Variants in CNTN5 observed in about 807,000 individuals in gnomAD.
CNTN5 encodes the protein contactin 5.
CNTN5 carries 77 observed loss-of-function variants against 129.1 expected under a neutral mutation model. The ratio of observed to expected loss-of-function variants is 0.60; its 90% CI spans 0.50 to 0.72. The LOEUF (loss-of-function observed/expected upper bound fraction) is 0.72, where lower values mean the gene tolerates loss of function less well. Among genes scored for constraint, CNTN5 ranks in the 30% least tolerant of loss-of-function variants. CNTN5 has a pLI of 0.00. For missense variants in CNTN5, 1,478 were observed against 1,328.8 expected, an observed-to-expected ratio of 1.11 and a Z score of -1.75; for synonymous variants, 509 against 465.6, an observed-to-expected ratio of 1.09 and a Z score of -1.20.
intron 21 of CNTN5, among the ~76,000 whole-genome samples, chr11:100,328,489 G>A (rs1258884963): frequency 6.6e-6 from 1 of 152,148 alleles, no homozygotes; most frequent in Non-Finnish European, 1.5e-5. Flanking sequence ...CGGCTGAGGA[G>A]GCCTCAGCAA....
chr11:99,466,952 C>A (rs1335389047), intron 2 of CNTN5, among the ~76,000 whole-genome samples: 2 of 152,086 alleles, frequency 1.3e-5, no homozygotes, highest in South Asian at 2.1e-4. Flanking sequence ...ATGGGAGATA[C>A]AGATTTCCTA....
chr11:99,261,101 G>A (rs1044248967), intron 1 of CNTN5, among the ~76,000 whole-genome samples: 3 of 151,794 alleles, frequency 2.0e-5, no homozygotes, highest in African/African-American at 4.8e-5. Flanking sequence ...TAAAAAAAAT[G>A]CAGTCCTAAA....
intron 3 of CNTN5, among the ~76,000 whole-genome samples, chr11:99,702,785 T>G (rs1954579271): frequency 6.6e-6 from 1 of 150,930 alleles, no homozygotes; most frequent in Admixed American, 6.6e-5. Context: ...TCCATCTGTT[T>G]CCTATTCAGT....
At chr11:100,145,013 G>C (rs1730115558) in intron 13 of CNTN5, among the ~76,000 whole-genome samples, 1 of 151,912 alleles carries the variant, frequency 6.6e-6, no homozygotes, top group African/African-American at 2.4e-5. Flanking sequence ...ATAAATTAGA[G>C]ACCTTTCCAT....
chr11:99,564,089 A>C (rs1404742066), intron 3 of CNTN5, among the ~76,000 whole-genome samples: 1 of 151,834 alleles, frequency 6.6e-6, no homozygotes, highest in African/African-American at 2.4e-5. Context: ...TTTAAAATTT[A>C]CTTATTTATT....
intron 1 of CNTN5, among the ~76,000 whole-genome samples, chr11:99,029,507 A>C (rs1863262320): frequency 6.6e-6 from 1 of 152,104 alleles, no homozygotes; most frequent in Admixed American, 6.6e-5. Context: ...AAGACTGTAG[A>C]AACACTGGAG....
rs76385391 is a variant in CNTN5, at chr11:100,079,213, G to A, written c.1580+4919G>A. 1.1e-4 allele frequency among the ~76,000 whole-genome samples: 16 copies of A among 152,228 alleles called. No individual in the cohort carries two copies. In the East Asian group the frequency reaches 3.1e-3, roughly 29 times the overall value. On this transcript the variant is annotated intron_variant, in intron 13 of 24. Coordinates refer to ENST00000524871, the MANE Select transcript of CNTN5 (RefSeq NM_014361.4). Reference sequence around the variant, plus strand: ...GATGAGATTTGGGTGGGGACACAAAGCCTAACCGTATTAATATAATTTGTA... The same window carrying A: ...GATGAGATTTGGGTGGGGACACAAAACCTAACCGTATTAATATAATTTGTA...
At chr11:100,298,510 A>G (rs891197051) in intron 19 of CNTN5, among the ~76,000 whole-genome samples, 8 of 151,298 alleles carry the variant, frequency 5.3e-5, no homozygotes, top group Non-Finnish European at 1.0e-4. Context: ...AAAACTACTT[A>G]GCAAATATTT....
chr11:99,752,701 T>A (rs1944274576), intron 3 of CNTN5, among the ~76,000 whole-genome samples: 1 of 152,206 alleles, frequency 6.6e-6, no homozygotes, highest in Admixed American at 6.5e-5. Flanking sequence ...AATTCTGATT[T>A]CATAATTAAC....
chr11:99,586,789 T>G (rs1246455801), intron 3 of CNTN5, among the ~76,000 whole-genome samples: 2 of 152,144 alleles, frequency 1.3e-5, no homozygotes, highest in African/African-American at 4.8e-5. Context: ...TATTTAAAGT[T>G]TTAAGGAAGG....
chr11:99,557,571 G>A (rs1452596298), intron 3 of CNTN5, among the ~76,000 whole-genome samples: 1 of 151,318 alleles, frequency 6.6e-6, no homozygotes, highest in Non-Finnish European at 1.5e-5. Flanking sequence ...CCAAATACAA[G>A]AAAATATAAA....
chr11:99,543,708 A>C (rs1948186964), intron 2 of CNTN5, among the ~76,000 whole-genome samples: 1 of 152,134 alleles, frequency 6.6e-6, no homozygotes, highest in African/African-American at 2.4e-5. Flanking sequence ...ACCTGAGGTC[A>C]GGAGTTCAAG....
intron 1 of CNTN5, among the ~76,000 whole-genome samples, chr11:99,267,039 A>G (rs1050531403): frequency 5.9e-5 from 9 of 152,082 alleles, no homozygotes; most frequent in African/African-American, 2.2e-4. Flanking sequence ...AAGGCTTTAA[A>G]AAAAAAGGTT....
At chr11:100,042,395 C>T (rs1591116089) in intron 9 of CNTN5, among the ~76,000 whole-genome samples, 1 of 152,000 alleles carries the variant, frequency 6.6e-6, no homozygotes, top group Non-Finnish European at 1.5e-5. Context: ...GTGCAAGTCA[C>T]AAAGGAGCCA....
chr11:100,051,181 A>G (rs910943414), intron 9 of CNTN5, among the ~76,000 whole-genome samples: 1 of 152,058 alleles, frequency 6.6e-6, no homozygotes, highest in African/African-American at 2.4e-5. Context: ...AAAGAACTCT[A>G]CCAACCAACA....
chr11:99,627,892 C>G (rs1951188017), intron 3 of CNTN5, among the ~76,000 whole-genome samples: 1 of 150,354 alleles, frequency 6.7e-6, no homozygotes, highest in African/African-American at 2.5e-5. Flanking sequence ...GGTTTGTTGA[C>G]CATTCACCAA....
At chr11:100,126,926 T>A (rs1176929971) in intron 13 of CNTN5, among the ~76,000 whole-genome samples, 1 of 151,862 alleles carries the variant, frequency 6.6e-6, no homozygotes, top group Admixed American at 6.6e-5. Flanking sequence ...ACCACTCTTT[T>A]TTTTCTCTTT....
At chr11:99,822,639 A>G (rs1946836633) in intron 4 of CNTN5, among the ~76,000 whole-genome samples, 1 of 152,190 alleles carries the variant, frequency 6.6e-6, no homozygotes, top group Admixed American at 6.5e-5. Context: ...GGAAATAAGT[A>G]CCAGGAGAGG....
At chr11:99,683,368 T>C (rs1357673082) in intron 3 of CNTN5, among the ~76,000 whole-genome samples, 1 of 151,932 alleles carries the variant, frequency 6.6e-6, no homozygotes, top group Non-Finnish European at 1.5e-5. Context: ...ATGCAACTAA[T>C]CCAGTACTAT....
Sources: allele counts gnomAD v4.1 joint callset (sites outside exome capture counted in the v4.1 genomes callset), GRCh38; gene constraint gnomAD v4.1.1; transcripts MANE v1.5; gene names NCBI Gene and HGNC (gene_info 2026-07-23, HGNC 2026-07-21).